EFCAB6: variants seen among roughly 807,000 people sequenced by gnomAD.
EFCAB6 encodes EF-hand calcium-binding domain-containing protein 6.
A neutral mutation model predicts 169.8 loss-of-function variants in EFCAB6; 156 were observed. The ratio of observed to expected loss-of-function variants is 0.92; its 90% CI spans 0.81 to 1.05. The LOEUF (loss-of-function observed/expected upper bound fraction) is 1.05. Ranked by LOEUF, EFCAB6 falls within the 50% of genes least tolerant of loss-of-function variation. EFCAB6 has a pLI of 0.00. For missense variants in EFCAB6, 1,800 were observed against 1,829.1 expected, an observed-to-expected ratio of 0.98 and a Z score of 0.29; for synonymous variants, 698 against 676.4, an observed-to-expected ratio of 1.03 and a Z score of -0.50.
intron 2 of EFCAB6, among the ~76,000 whole-genome samples, chr22:43,806,602 G>C (rs1349153512): frequency 6.6e-6 from 1 of 152,052 alleles, no homozygotes; most frequent in Non-Finnish European, 1.5e-5. Flanking sequence ...TAACCACCTG[G>C]CTTCAGGTGA....
At position 43,671,987 on chromosome 22, in the gene EFCAB6, A is replaced by G. The variant is rs2057512381; in HGVS notation, c.1626T>C (p.Asn542=). The G allele has an allele frequency of 1.4e-5, 22 of 1,612,296 alleles. No homozygotes were observed. Among genetic ancestry groups the G allele is most frequent in the Non-Finnish European group, 1.8e-5 (21 of 1,179,658 alleles). ...AAAAAACTTACTTTATGAAATGTGCATTCGTTAAAAATGGACAGAAGACGT... is the reference window on the plus strand; with the variant it reads ...AAAAAACTTACTTTATGAAATGTGCGTTCGTTAAAAATGGACAGAAGACGT... The part of the protein sequence containing the change: ...IMHVFCPFLT[N]AHFIKLCSKI... The change falls in exon 15 of 32, where the codon AAT becomes AAC. Residue 542 remains asparagine, a synonymous_variant. Coordinates refer to ENST00000262726, the MANE Select transcript of EFCAB6 (RefSeq NM_022785.4).
intron 9 of EFCAB6, among the ~76,000 whole-genome samples, chr22:43,714,560 T>TA (rs750645747): frequency 6.8e-5 from 10 of 147,740 alleles, no homozygotes; most frequent in Non-Finnish European, 1.3e-4. Flanking sequence ...GGAATCCAGG[T>TA]AAAAAAAGAA....
chr22:43,618,596 C>T (rs2053906562), intron 20 of EFCAB6, among the ~76,000 whole-genome samples: 1 of 152,152 alleles, frequency 6.6e-6, no homozygotes, highest in South Asian at 2.1e-4. Context: ...TCCCATGTTC[C>T]CAGCTTAAGA....
chr22:43,677,067 T>A (rs1291647226), intron 13 of EFCAB6, among the ~76,000 whole-genome samples: 1 of 152,212 alleles, frequency 6.6e-6, no homozygotes, highest in East Asian at 1.9e-4. Context: ...TAAAAGCAGC[T>A]TTTTAAAAAA....
intron 20 of EFCAB6, 36 bp downstream of exon 20, chr22:43,626,411 A>G (rs969886079): frequency 5.0e-6 from 8 of 1,596,046 alleles, no homozygotes; most frequent in Non-Finnish European, 6.9e-6. Flanking sequence ...ACGGGCCGGC[A>G]TATATTAAAG....
At position 43,580,459 on chromosome 22, in the gene EFCAB6, C is replaced by T; in HGVS notation, c.3228+5G>A. ...TCACAGTAAAGCACTTTCAGCCTGT[C>T]ATACCGTGGACAAAGCCAGCTGGGA... is the stretch of plus-strand genomic sequence containing the variant. On this transcript the variant is annotated splice_donor_5th_base_variant and intron_variant, in intron 25 of 31. Transcript: ENST00000262726. 6.2e-7 allele frequency: 1 copy of T among 1,613,768 alleles called. No individual in the cohort carries two copies. The highest frequency in any genetic ancestry group is 8.5e-7 in the Non-Finnish European group (1 of 1,179,894).
At chr22:43,759,599 T>A (rs2061080774) in intron 5 of EFCAB6, 1 of 152,212 alleles carries the variant, frequency 6.6e-6, no homozygotes, top group Admixed American at 6.5e-5. Context: ...GAAGAGATGA[T>A]GATGTTTCTA....
At chr22:43,641,253 A>C (rs1449372027) in intron 17 of EFCAB6, among the ~76,000 whole-genome samples, 9 of 152,228 alleles carry the variant, frequency 5.9e-5, no homozygotes, top group Admixed American at 5.9e-4. Context: ...TGACTAAGAA[A>C]GCCCATGCCT....
At chr22:43,713,583 T>C (rs2059232450) in intron 9 of EFCAB6, among the ~76,000 whole-genome samples, 2 of 152,164 alleles carry the variant, frequency 1.3e-5, no homozygotes, top group South Asian at 4.1e-4. Flanking sequence ...CCATTGAGCC[T>C]GAGGGGCATG....
chr22:43,541,126 G>C (rs573929624), intron 27 of EFCAB6, among the ~76,000 whole-genome samples: 2 of 152,196 alleles, frequency 1.3e-5, no homozygotes, highest in South Asian at 4.1e-4. Flanking sequence ...TGATGGAGAG[G>C]CAGCCTCCAG....
chr22:43,684,000 T>C (rs1391567447), intron 11 of EFCAB6, 145 bp from the exon 12 acceptor site: 3 of 633,532 alleles, frequency 4.7e-6, no homozygotes, highest in Middle Eastern at 4.3e-4. Flanking sequence ...GTGCTGCACT[T>C]GTGGGGCTCA....
At chr22:43,731,485 G>A (rs1038974627) in intron 8 of EFCAB6, among the ~76,000 whole-genome samples, 3 of 152,050 alleles carry the variant, frequency 2.0e-5, no homozygotes, top group Non-Finnish European at 2.9e-5. Flanking sequence ...GTTCCTGGCT[G>A]TAGATTTTAC....
intron 17 of EFCAB6, among the ~76,000 whole-genome samples, chr22:43,647,136 A>T (rs1325509652): frequency 6.9e-6 from 1 of 145,946 alleles, no homozygotes; most frequent in Non-Finnish European, 1.5e-5. Context: ...CTCTAAAAAC[A>T]TTCTATACAA....
chr22:43,743,350 C>T (rs1025549939), intron 6 of EFCAB6, among the ~76,000 whole-genome samples: 18 of 152,298 alleles, frequency 1.2e-4, no homozygotes, highest in South Asian at 6.2e-4. Context: ...ATCAAATCGC[C>T]TCTTTGCCTC....
intron 6 of EFCAB6, among the ~76,000 whole-genome samples, chr22:43,738,271 CAT>C (rs2060238034): frequency 2.0e-5 from 3 of 151,342 alleles, no homozygotes; most frequent in South Asian, 4.2e-4. Context: ...CACACATGCA[CAT>C]ATACACACAC....
At position 43,737,554 on chromosome 22, in the gene EFCAB6, TAC is replaced by T. The variant is rs570251102; in HGVS notation, c.508-1563_508-1562del. Among the ~76,000 whole-genome samples, 39 of 145,814 alleles carry T rather than the reference TAC, an allele frequency of 2.7e-4. No individual in the cohort carries two copies. The Middle Eastern group carries it at 0.017, about 63-fold the overall frequency. On this transcript the variant is annotated intron_variant, in intron 6 of 31. Coordinates refer to ENST00000262726, the MANE Select transcript of EFCAB6 (RefSeq NM_022785.4). ...CATCACTCACACACACATGTATTCA[TAC>T]ACACACACTCACCTGTGCATATACT... is the stretch of plus-strand genomic sequence containing the variant.
At chr22:43,553,334 A>G (rs182470499) in intron 27 of EFCAB6, 8 of 152,348 alleles carry the variant, frequency 5.3e-5, no homozygotes, top group African/African-American at 1.9e-4. Flanking sequence ...TGGGGATTTT[A>G]TGTTTTAGTC....
Position 43,784,620 on chromosome 22 carries a change from T to TAC in EFCAB6, c.-7-2297_-7-2296dup, listed in dbSNP as rs1166081120. ...ATATACACATATATATGTGTATATA[T>TAC]ACACATATATATGTATATGTACACA... is the stretch of plus-strand genomic sequence containing the variant. On this transcript the variant is annotated intron_variant, in intron 2 of 31. Coordinates refer to ENST00000262726, the MANE Select transcript of EFCAB6 (RefSeq NM_022785.4). 1.0e-4 allele frequency among the ~76,000 whole-genome samples: 8 copies of TAC among 76,302 alleles called. 1 individual carries two copies. Among genetic ancestry groups the TAC allele is most frequent in the East Asian group, 2.5e-4 (1 of 4,014 alleles). 50.1% of individuals were successfully genotyped at this position (76,302 alleles called of 152,430 possible).
In EFCAB6 at chr22:43,736,098, T is replaced by C. The variant is rs974069060; in HGVS notation, c.508-105A>G. ...TTTTAATACTTTTTATAAAATAAAA[T>C]GTTTTCAAAGACTCACAGTGGTAGG... is the stretch of plus-strand genomic sequence containing the variant. On this transcript the variant is annotated intron_variant, in intron 6 of 31. Transcript: ENST00000262726. The C allele has an allele frequency of 6.8e-6, 8 of 1,182,862 alleles. No individual in the cohort carries two copies. The African/African-American group carries it at 7.9e-5, about 12-fold the overall frequency. 73.3% of individuals were successfully genotyped at this position (1,182,862 alleles called of 1,614,324 possible). A position where few individuals can be genotyped will look rare whatever the true frequency, so the allele number is the denominator to read the frequency against.
Sources: gnomAD v4.1 joint callset for allele counts (sites outside exome capture counted in the v4.1 genomes callset) on GRCh38, gnomAD v4.1.1 for gene constraint, MANE v1.5 for transcripts, NCBI Gene and HGNC (gene_info 2026-07-23, HGNC 2026-07-21) for gene names.